Variants in L3MBTL4 observed in about 807,000 individuals in gnomAD.
L3MBTL4 encodes L3MBTL histone methyl-lysine binding protein 4.
Under a neutral mutation model 84.5 loss-of-function variants are expected in L3MBTL4, and 70 were observed. The observed-to-expected ratio is 0.83, with a 90% CI of 0.68 to 1.01. L3MBTL4 has a LOEUF of 1.01. Ranked by LOEUF, L3MBTL4 falls within the 50% of genes least tolerant of loss-of-function variation. The pLI is 0.00. For synonymous variants in L3MBTL4, 274 were observed against 259.8 expected, an observed-to-expected ratio of 1.05 and a Z score of -0.52; for missense variants, 715 against 754.8, an observed-to-expected ratio of 0.95 and a Z score of 0.62.
At chr18:5,999,618 C>T (rs764026183) in intron 16 of L3MBTL4, among the ~76,000 whole-genome samples, 8 of 152,054 alleles carry the variant, frequency 5.3e-5, no homozygotes, top group Non-Finnish European at 1.0e-4. Flanking sequence ...AAACAAACAA[C>T]GAAGAAAATA....
intron 1 of L3MBTL4, among the ~76,000 whole-genome samples, chr18:6,379,493 C>A (rs577890325): frequency 1.3e-5 from 2 of 152,088 alleles, no homozygotes; most frequent in Non-Finnish European, 2.9e-5. Context: ...TATGTTCCAT[C>A]GATACCTAGT....
chr18:6,360,875 T>A (rs1284553617), intron 1 of L3MBTL4, among the ~76,000 whole-genome samples: 1 of 151,882 alleles, frequency 6.6e-6, no homozygotes, highest in Non-Finnish European at 1.5e-5. Flanking sequence ...TAGCTGGGCA[T>A]GGTAGCATAC....
intron 16 of L3MBTL4, among the ~76,000 whole-genome samples, chr18:5,988,297 A>G (rs987116129): frequency 6.6e-6 from 1 of 152,276 alleles, no homozygotes; most frequent in Non-Finnish European, 1.5e-5. Flanking sequence ...TAAGCTAATT[A>G]AAATACAAAT....
chr18:6,281,500 G>T (rs990803556), intron 4 of L3MBTL4, among the ~76,000 whole-genome samples: 18 of 152,278 alleles, frequency 1.2e-4, no homozygotes, highest in African/African-American at 3.8e-4. Context: ...AACATAAAAA[G>T]GATGATTTCC....
At chr18:6,296,251 A>AG (rs2050105457) in intron 4 of L3MBTL4, among the ~76,000 whole-genome samples, 2 of 152,186 alleles carry the variant, frequency 1.3e-5, no homozygotes, top group African/African-American at 4.8e-5. Flanking sequence ...CTACTCCCTG[A>AG]TAATAAGTTA....
At chr18:6,090,033 A>AT (rs1302878097) in intron 15 of L3MBTL4, among the ~76,000 whole-genome samples, 1 of 152,158 alleles carries the variant, frequency 6.6e-6, no homozygotes, top group Non-Finnish European at 1.5e-5. Context: ...GGATTAAGGT[A>AT]TTTTCTACTC....
chr18:6,263,263 G>A (rs2048485285), intron 5 of L3MBTL4, among the ~76,000 whole-genome samples: 1 of 139,596 alleles, frequency 7.2e-6, no homozygotes, highest in South Asian at 2.2e-4. Context: ...GCCAGACTCC[G>A]TCTCACAAAA....
chr18:6,070,062 G>C (rs2057534111), intron 16 of L3MBTL4, among the ~76,000 whole-genome samples: 1 of 152,082 alleles, frequency 6.6e-6, no homozygotes, highest in Non-Finnish European at 1.5e-5. Context: ...GAGCTCTTAA[G>C]ACATAACTAA....
intron 16 of L3MBTL4, among the ~76,000 whole-genome samples, chr18:5,975,430 C>T (rs1422755292): frequency 2.6e-5 from 4 of 152,158 alleles, no homozygotes; most frequent in African/African-American, 9.7e-5. Context: ...CCGACCAAGT[C>T]CCATCAATTT....
intron 13 of L3MBTL4, among the ~76,000 whole-genome samples, chr18:6,171,503 A>T (rs1276075622): frequency 6.6e-6 from 1 of 152,268 alleles, no homozygotes; most frequent in Non-Finnish European, 1.5e-5. Flanking sequence ...GTTTAAAAAA[A>T]TAAGATGAAC....
At chr18:6,289,637 T>C (rs1344514812) in intron 4 of L3MBTL4, among the ~76,000 whole-genome samples, 2 of 152,238 alleles carry the variant, frequency 1.3e-5, no homozygotes, top group African/African-American at 2.4e-5. Context: ...CAGACATCAC[T>C]GCCTTCAGCT....
At chr18:6,148,901 T>C (rs1015215981) in intron 13 of L3MBTL4, among the ~76,000 whole-genome samples, 1 of 152,176 alleles carries the variant, frequency 6.6e-6, no homozygotes, top group African/African-American at 2.4e-5. Context: ...GTGAATACTA[T>C]TTCACTAGAT....
intron 16 of L3MBTL4, among the ~76,000 whole-genome samples, chr18:5,981,862 T>A (rs1304433046): frequency 6.6e-6 from 1 of 152,090 alleles, no homozygotes; most frequent in East Asian, 1.9e-4. Flanking sequence ...GCTATTCTGT[T>A]CTGTCATCTA....
chr18:6,318,890 A>G (rs1344644008), intron 1 of L3MBTL4, among the ~76,000 whole-genome samples: 2 of 152,136 alleles, frequency 1.3e-5, no homozygotes, highest in Non-Finnish European at 2.9e-5. Context: ...CCACAAAACA[A>G]GTCTTGATAC....
chr18:6,118,074 C>T (rs1171023096), intron 14 of L3MBTL4, among the ~76,000 whole-genome samples: 1 of 152,084 alleles, frequency 6.6e-6, no homozygotes, highest in Non-Finnish European at 1.5e-5. Flanking sequence ...TGTAGAGGCT[C>T]CTGTCACCTC....
intron 16 of L3MBTL4, among the ~76,000 whole-genome samples, chr18:6,027,392 T>C (rs2055560698): frequency 6.6e-6 from 1 of 152,236 alleles, no homozygotes; most frequent in African/African-American, 2.4e-5. Context: ...GTGCATAGTA[T>C]TCCATGGTCC....
At chr18:6,036,254 T>C (rs1000125440) in intron 16 of L3MBTL4, among the ~76,000 whole-genome samples, 3 of 152,248 alleles carry the variant, frequency 2.0e-5, no homozygotes, top group African/African-American at 4.8e-5. Flanking sequence ...ATTATTTCTT[T>C]AAACATTCTC....
At chr18:6,003,012 C>A (rs2145286038) in intron 16 of L3MBTL4, among the ~76,000 whole-genome samples, 1 of 148,780 alleles carries the variant, frequency 6.7e-6, no homozygotes, top group Admixed American at 6.7e-5. Context: ...AAAGGATATT[C>A]CATGCAAAAA....
At chr18:6,033,610 A>G (rs553100923) in intron 16 of L3MBTL4, among the ~76,000 whole-genome samples, 1 of 152,338 alleles carries the variant, frequency 6.6e-6, no homozygotes, top group Admixed American at 6.5e-5. Context: ...TTACAATTAC[A>G]TTAGTTTTGT....
Sources: allele counts gnomAD v4.1 joint callset (sites outside exome capture counted in the v4.1 genomes callset), GRCh38; gene constraint gnomAD v4.1.1; transcripts MANE v1.5; gene names NCBI Gene and HGNC (gene_info 2026-07-23, HGNC 2026-07-21).